HSD17B13: variants seen among roughly 807,000 people sequenced by gnomAD.
HSD17B13 encodes hydroxysteroid 17-beta dehydrogenase 13.
A neutral mutation model predicts 31.1 loss-of-function variants in HSD17B13; 26 were observed. The ratio of observed to expected loss-of-function variants is 0.84; its 90% CI spans 0.61 to 1.16. The LOEUF (loss-of-function observed/expected upper bound fraction) is 1.16. HSD17B13 is among the 50% of genes most tolerant of loss of function. The pLI is 0.00. For missense variants in HSD17B13, 374 were observed against 366.5 expected, an observed-to-expected ratio of 1.02 and a Z score of -0.17; for synonymous variants, 141 against 133.7, an observed-to-expected ratio of 1.05 and a Z score of -0.38.
intron 5 of HSD17B13, among the ~76,000 whole-genome samples, chr4:87,313,280 G>A (rs1734575707): frequency 6.6e-6 from 1 of 152,068 alleles, no homozygotes; most frequent in Admixed American, 6.5e-5. Context: ...TTCCCTTCCA[G>A]TAAAAAATTG....
intron 5 of HSD17B13, among the ~76,000 whole-genome samples, chr4:87,312,843 T>C (rs1444647741): frequency 2.6e-5 from 4 of 151,876 alleles, no homozygotes; most frequent in African/African-American, 9.7e-5. Context: ...GTAGGACACC[T>C]GAGGTCAGGA....
intron 6 of HSD17B13, among the ~76,000 whole-genome samples, chr4:87,306,583 A>G (rs542682250): frequency 6.6e-6 from 1 of 152,276 alleles, no homozygotes; most frequent in East Asian, 1.9e-4. Flanking sequence ...ACTGATGTCC[A>G]GGAATGCATA....
Sources: gnomAD v4.1 joint callset for allele counts (sites outside exome capture counted in the v4.1 genomes callset) on GRCh38, gnomAD v4.1.1 for gene constraint, MANE v1.5 for transcripts, NCBI Gene and HGNC (gene_info 2026-07-23, HGNC 2026-07-21) for gene names.